Variants in SSBP2 observed in about 807,000 individuals in gnomAD.
The protein encoded by SSBP2 is single stranded DNA binding protein 2, also known as single-stranded DNA-binding protein 2.
A neutral mutation model predicts 61.8 loss-of-function variants in SSBP2; 17 were observed. The observed-to-expected ratio is 0.28, with a 90% confidence interval of 0.19 to 0.41. SSBP2 has a LOEUF of 0.41. Among genes scored for constraint, SSBP2 ranks in the 10% least tolerant of loss-of-function variants. The pLI, the probability that SSBP2 is intolerant of heterozygous loss-of-function variation, is 1.00. For synonymous variants in SSBP2, 139 were observed against 141.3 expected, an observed-to-expected ratio of 0.98 and a Z score of 0.12; for missense variants, 310 against 458.7, an observed-to-expected ratio of 0.68 and a Z score of 2.96.
intron 9 of SSBP2, among the ~76,000 whole-genome samples, chr5:81,461,497 C>T (rs1764538606): frequency 6.6e-6 from 1 of 151,300 alleles, no homozygotes; most frequent in African/African-American, 2.4e-5. Context: ...GTATCTCATT[C>T]AAAATAAAAT....
At chr5:81,469,656 A>AT (rs1765121076) in intron 8 of SSBP2, among the ~76,000 whole-genome samples, 1 of 151,984 alleles carries the variant, frequency 6.6e-6, no homozygotes, top group Admixed American at 6.6e-5. Context: ...GGCACACAGT[A>AT]GGCCTTCCAT....
At position 81,414,628 on chromosome 5, in the gene SSBP2, A is replaced by C. The variant is rs1367976713; in HGVS notation, c.*5876T>G. ...TTACTGTGTAACACCTTGTAGTATC[A>C]GTGAAGTGGCTGAGAATTAAATGAT... On this transcript the variant is annotated 3_prime_UTR_variant, in exon 17 of 17. Coordinates refer to ENST00000320672, the MANE Select transcript of SSBP2 (RefSeq NM_012446.5). 2 of 152,206 alleles carry C rather than the reference A, an allele frequency of 1.3e-5. No individual in the cohort carries two copies. The highest frequency in any genetic ancestry group is 4.8e-5 in the African/African-American group (2 of 41,448). 9.4% of individuals were successfully genotyped at this position (152,206 alleles called of 1,614,324 possible).
intron 3 of SSBP2, among the ~76,000 whole-genome samples, chr5:81,617,674 A>C (rs1746186275): frequency 1.2e-5 from 1 of 81,392 alleles, no homozygotes; most frequent in East Asian, 3.6e-4. Context: ...GTTGAAATGA[A>C]GGAAAAAATG....
intron 4 of SSBP2, among the ~76,000 whole-genome samples, chr5:81,558,933 C>T (rs1772811976): frequency 6.6e-6 from 1 of 152,202 alleles, no homozygotes; most frequent in Non-Finnish European, 1.5e-5. Context: ...GAAGTATCTT[C>T]CTCAGCATGA....
intron 5 of SSBP2, among the ~76,000 whole-genome samples, chr5:81,496,448 G>C (rs1302913419): frequency 6.6e-6 from 1 of 152,096 alleles, no homozygotes; most frequent in Non-Finnish European, 1.5e-5. Flanking sequence ...CCAAAGTACT[G>C]GGATTACAGG....
chr5:81,485,917 A>G (rs925831344), intron 6 of SSBP2, among the ~76,000 whole-genome samples: 1 of 152,364 alleles, frequency 6.6e-6, no homozygotes, highest in African/African-American at 2.4e-5. Flanking sequence ...TTTATGCTTG[A>G]AAAGTTCATG....
At chr5:81,564,870 A>G (rs1002373124) in intron 4 of SSBP2, among the ~76,000 whole-genome samples, 8 of 152,188 alleles carry the variant, frequency 5.3e-5, no homozygotes, top group African/African-American at 1.9e-4. Context: ...CTTCAAGCAA[A>G]TAAGTTAAAA....
chr5:81,667,763 A>G (rs1751270368), intron 1 of SSBP2, among the ~76,000 whole-genome samples: 2 of 152,206 alleles, frequency 1.3e-5, no homozygotes, highest in Non-Finnish European at 2.9e-5. Context: ...AGAGAAAACA[A>G]TATGAAGCAC....
chr5:81,668,144 T>TAC (rs1751303778), intron 1 of SSBP2, among the ~76,000 whole-genome samples: 1 of 150,876 alleles, frequency 6.6e-6, no homozygotes, highest in African/African-American at 2.4e-5. Context: ...AAGATACAAT[T>TAC]ACTGTTGATA....
At chr5:81,471,934 TATACAATACAAAC>T (rs1197021401) in intron 8 of SSBP2, among the ~76,000 whole-genome samples, 1 of 152,090 alleles carries the variant, frequency 6.6e-6, no homozygotes, top group Non-Finnish European at 1.5e-5. Context: ...ACAATGCATA[TATACAATACAAAC>T]ATACAATACA....
chr5:81,427,453 C>T (rs905934511), intron 16 of SSBP2, among the ~76,000 whole-genome samples: 3 of 152,054 alleles, frequency 2.0e-5, no homozygotes, highest in Non-Finnish European at 4.4e-5. Flanking sequence ...ATGTCTTGTC[C>T]CCTGCAAAGG....
chr5:81,615,365 TTTC>T (rs1745909658), intron 4 of SSBP2, 105 bp downstream of exon 4: 2 of 829,742 alleles, frequency 2.4e-6, no homozygotes, highest in East Asian at 2.6e-5. Context: ...GACCAAACAA[TTTC>T]TTAAGTACCA....
intron 1 of SSBP2, among the ~76,000 whole-genome samples, chr5:81,673,745 T>C (rs906792412): frequency 1.3e-5 from 2 of 152,204 alleles, no homozygotes; most frequent in African/African-American, 4.8e-5. Context: ...GAGGGCTTGG[T>C]CTTATTTCAC....
At chr5:81,546,606 A>T (rs908522116) in intron 4 of SSBP2, among the ~76,000 whole-genome samples, 2 of 152,140 alleles carry the variant, frequency 1.3e-5, no homozygotes, top group African/African-American at 4.8e-5. Flanking sequence ...AATATTTTTC[A>T]TTAGAACTGT....
intron 1 of SSBP2, among the ~76,000 whole-genome samples, chr5:81,702,313 G>A (rs1196499719): frequency 5.3e-5 from 8 of 152,228 alleles, no homozygotes; most frequent in Non-Finnish European, 1.2e-4. Flanking sequence ...AGAGGTTCCA[G>A]TGAGCCAAGA....
chr5:81,599,161 C>T (rs1330501021), intron 4 of SSBP2, among the ~76,000 whole-genome samples: 1 of 152,062 alleles, frequency 6.6e-6, no homozygotes, highest in Non-Finnish European at 1.5e-5. Context: ...GCCAGTGGGA[C>T]CACTGGGAAG....
intron 6 of SSBP2, among the ~76,000 whole-genome samples, chr5:81,487,583 T>C (rs937499082): frequency 1.3e-5 from 2 of 152,088 alleles, no homozygotes; most frequent in African/African-American, 4.8e-5. Flanking sequence ...GAAAATTTTA[T>C]TGCTATTCTT....
rs894949615 is a variant in SSBP2 at position 81,717,491 on chromosome 5, A to G, written c.62+33490T>C. On this transcript the variant is annotated intron_variant, in intron 1 of 16. Coordinates refer to ENST00000320672, the MANE Select transcript of SSBP2 (RefSeq NM_012446.5). Reference sequence around the variant, plus strand: ...ATGTAGAAGCATCCAAGAAATAGTAAAAGTTTACTTATAGAGTGAAATCAA... The same window carrying G: ...ATGTAGAAGCATCCAAGAAATAGTAGAAGTTTACTTATAGAGTGAAATCAA... 1.6e-4 allele frequency among the ~76,000 whole-genome samples: 25 copies of G among 152,138 alleles called. 1 individual carries two copies.
At chr5:81,452,408 T>C (rs1763839674) in intron 10 of SSBP2, among the ~76,000 whole-genome samples, 1 of 152,208 alleles carries the variant, frequency 6.6e-6, no homozygotes. Context: ...ATTACAGGCA[T>C]GACCTACCAC....
Sources: allele counts gnomAD v4.1 joint callset (sites outside exome capture counted in the v4.1 genomes callset), GRCh38; gene constraint gnomAD v4.1.1; transcripts MANE v1.5; gene names NCBI Gene and HGNC (gene_info 2026-07-23, HGNC 2026-07-21).